SYT1: variants seen among roughly 807,000 people sequenced by gnomAD.
SYT1 encodes synaptotagmin 1, also known as synaptotagmin-1.
In SYT1, 8 loss-of-function variants were observed where a neutral mutation model predicts 44.8. That is an observed-to-expected ratio of 0.18 (90% CI 0.10 to 0.32). The LOEUF (loss-of-function observed/expected upper bound fraction) is 0.32. Among genes scored for constraint, SYT1 ranks in the 10% least tolerant of loss-of-function variants. The pLI, the probability that SYT1 is intolerant of heterozygous loss-of-function variation, is 1.00. For missense variants in SYT1, 286 were observed against 509.3 expected, an observed-to-expected ratio of 0.56 and a Z score of 4.22; for synonymous variants, 154 against 188.8, an observed-to-expected ratio of 0.82 and a Z score of 1.51.
rs1874404049 is a variant in SYT1, at chr12:78,880,658, A to G, written c.-217+15549A>G. ...GCTCTATGCATCTCATCCAATGAAA[A>G]AAATATTAATTTACCAGTCTTAACA... On this transcript the variant is annotated intron_variant, in intron 1 of 10. Coordinates refer to ENST00000261205, the MANE Select transcript of SYT1 (RefSeq NM_005639.3). Among the ~76,000 whole-genome samples the G allele has an allele frequency of 2.0e-5, 3 of 151,616 alleles. No homozygotes were observed. In the South Asian group the frequency reaches 6.2e-4, roughly 31 times the overall value.
intron 1 of SYT1, among the ~76,000 whole-genome samples, chr12:78,921,246 A>T (rs929918982): frequency 6.6e-6 from 1 of 151,928 alleles, no homozygotes; most frequent in Non-Finnish European, 1.5e-5. Context: ...GTCAAATACA[A>T]CGGATTTTAA....
At chr12:79,211,794 T>C (rs2138537881) in intron 3 of SYT1, among the ~76,000 whole-genome samples, 1 of 152,150 alleles carries the variant, frequency 6.6e-6, no homozygotes, top group African/African-American at 2.4e-5. Flanking sequence ...GGCTGCATAG[T>C]ATTCCATGGT....
chr12:79,122,427 T>C (rs1047186709), intron 3 of SYT1, among the ~76,000 whole-genome samples: 1 of 134,620 alleles, frequency 7.4e-6, no homozygotes, highest in African/African-American at 2.9e-5. Context: ...GGCAGGAGAA[T>C]GGCGTGAACC....
intron 1 of SYT1, among the ~76,000 whole-genome samples, chr12:78,974,215 T>G (rs1466106832): frequency 6.6e-6 from 1 of 150,880 alleles, no homozygotes; most frequent in Admixed American, 6.6e-5. Context: ...TATTTGTGTA[T>G]TGAAACATAG....
intron 8 of SYT1, among the ~76,000 whole-genome samples, chr12:79,327,437 AG>A (rs1881654854): frequency 6.6e-6 from 1 of 152,166 alleles, no homozygotes; most frequent in South Asian, 2.1e-4. Flanking sequence ...TTCACTCCAA[AG>A]CCTGTGCTCT....
chr12:79,355,305 T>C (rs1056208987), intron 9 of SYT1, among the ~76,000 whole-genome samples: 1 of 152,154 alleles, frequency 6.6e-6, no homozygotes, highest in Admixed American at 6.5e-5. Flanking sequence ...GTACCTGCAA[T>C]GCACTAACTA....
chr12:79,295,935 A>T, intron 6 of SYT1, 134 bp from the exon 7 acceptor site: 3 of 1,044,974 alleles, frequency 2.9e-6, no homozygotes, highest in Non-Finnish European at 4.0e-6. Context: ...GTTCAGATTC[A>T]TAAGAGAATC....
At chr12:79,170,151 A>G (rs1179856755) in intron 3 of SYT1, among the ~76,000 whole-genome samples, 3 of 152,118 alleles carry the variant, frequency 2.0e-5, no homozygotes, top group Non-Finnish European at 2.9e-5. Context: ...TAGGGCTGCA[A>G]TGAACATACA....
At chr12:79,347,807 C>T (rs965915086) in intron 8 of SYT1, among the ~76,000 whole-genome samples, 5 of 151,968 alleles carry the variant, frequency 3.3e-5, no homozygotes, top group African/African-American at 9.7e-5. Context: ...CAAGTAATGA[C>T]GGGTGCTAAG....
chr12:79,089,635 A>C lies in SYT1; in HGVS notation c.-18+42273A>C, dbSNP rs565841700. Among the ~76,000 whole-genome samples, 3 of 152,206 alleles carry C rather than the reference A, an allele frequency of 2.0e-5. No homozygotes were observed. In the South Asian group the frequency reaches 6.2e-4, roughly 32 times the overall value. ...CAAGTTTGCTGAGACCCCAGATCCA[A>C]GGCCCTATATCTGTCTTAATATGAT... On this transcript the variant is annotated intron_variant, in intron 3 of 10. Coordinates refer to ENST00000261205, the MANE Select transcript of SYT1 (RefSeq NM_005639.3).
chr12:78,903,719 A>G (rs1186640263), intron 1 of SYT1, among the ~76,000 whole-genome samples: 1 of 152,124 alleles, frequency 6.6e-6, no homozygotes, highest in African/African-American at 2.4e-5. Context: ...TAATTTCAAA[A>G]ATTGCTGAAT....
chr12:79,110,227 G>A (rs1326975686), intron 3 of SYT1, among the ~76,000 whole-genome samples: 2 of 152,066 alleles, frequency 1.3e-5, no homozygotes, highest in East Asian at 3.9e-4. Flanking sequence ...GGAATAGCTA[G>A]AGATGTAGGA....
At chr12:78,899,883 T>C (rs1443857426) in intron 1 of SYT1, among the ~76,000 whole-genome samples, 15 of 152,082 alleles carry the variant, frequency 9.9e-5, no homozygotes, top group Non-Finnish European at 2.1e-4. Flanking sequence ...ATGAAGTTCT[T>C]TGAAGCAAAG....
chr12:78,988,085 C>T (rs1334260140), intron 2 of SYT1, among the ~76,000 whole-genome samples: 1 of 151,990 alleles, frequency 6.6e-6, no homozygotes, highest in Non-Finnish European at 1.5e-5. Context: ...AACCTGTCAT[C>T]TCTCTCATTC....
chr12:79,074,647 G>A (rs1163636941), intron 3 of SYT1, among the ~76,000 whole-genome samples: 2 of 152,118 alleles, frequency 1.3e-5, no homozygotes, highest in African/African-American at 4.8e-5. Flanking sequence ...GACATCCTAT[G>A]TCAGCCTCTC....
intron 3 of SYT1, among the ~76,000 whole-genome samples, chr12:79,079,053 A>T (rs778260898): frequency 2.6e-5 from 4 of 152,192 alleles, no homozygotes; most frequent in Non-Finnish European, 4.4e-5. Context: ...TTAGGCTACA[A>T]CCCTGAATCC....
At chr12:78,915,510 G>T (rs983936202) in intron 1 of SYT1, among the ~76,000 whole-genome samples, 1 of 151,976 alleles carries the variant, frequency 6.6e-6, no homozygotes, top group Non-Finnish European at 1.5e-5. Flanking sequence ...CTTTCCTGTT[G>T]TCCAAATTTC....
intron 3 of SYT1, among the ~76,000 whole-genome samples, chr12:79,170,869 T>C (rs1458302264): frequency 6.6e-6 from 1 of 152,206 alleles, no homozygotes; most frequent in African/African-American, 2.4e-5. Context: ...TTTATGTTGA[T>C]TTTATATATG....
intron 3 of SYT1, among the ~76,000 whole-genome samples, chr12:79,165,728 T>C (rs1057179978): frequency 7.9e-5 from 12 of 152,004 alleles, no homozygotes; most frequent in Non-Finnish European, 1.8e-4. Context: ...CATAACTTAA[T>C]CTTTTGCTAC....
Sources: allele counts gnomAD v4.1 joint callset (sites outside exome capture counted in the v4.1 genomes callset), GRCh38; gene constraint gnomAD v4.1.1; transcripts MANE v1.5; gene names NCBI Gene and HGNC (gene_info 2026-07-23, HGNC 2026-07-21).